FREM2: variants seen among roughly 807,000 people sequenced by gnomAD.
The protein encoded by FREM2 is FRAS1 related extracellular matrix 2.
A neutral mutation model predicts 219.9 loss-of-function variants in FREM2; 119 were observed. The observed-to-expected ratio is 0.54, with a 90% CI of 0.47 to 0.63. The LOEUF (loss-of-function observed/expected upper bound fraction) is 0.63, where lower values mean the gene tolerates loss of function less well. FREM2 is among the 30% of genes least tolerant of loss of function. The pLI is 0.00. For synonymous variants in FREM2, 1,562 were observed against 1,522.8 expected (o/e 1.03, Z -0.60); for missense variants, 4,030 against 3,993.6 (o/e 1.01, Z -0.25).
chr13:38,784,081 A>G (rs1468743671), intron 5 of FREM2, among the ~76,000 whole-genome samples: 3 of 152,244 alleles, frequency 2.0e-5, no homozygotes, highest in Non-Finnish European at 4.4e-5. Flanking sequence ...CCTGGGCAAC[A>G]GAGCGAAACT....
chr13:38,742,392 T>A (rs1227776908), intron 2 of FREM2, among the ~76,000 whole-genome samples: 1 of 152,146 alleles, frequency 6.6e-6, no homozygotes, highest in Non-Finnish European at 1.5e-5. Context: ...AGAAAACATA[T>A]GGAAATGTGA....
intron 6 of FREM2, 62 bp downstream of exon 6, chr13:38,784,870 C>G: frequency 6.4e-7 from 1 of 1,554,212 alleles, no homozygotes; most frequent in South Asian, 1.1e-5. Flanking sequence ...GAACAACTTT[C>G]TAGACAGAAA....
At chr13:38,784,886 G>A in intron 6 of FREM2, 78 bp downstream of exon 6, 4 of 1,477,226 alleles carry the variant, frequency 2.7e-6, no homozygotes, top group Non-Finnish European at 3.7e-6. Flanking sequence ...AGAAAAAATG[G>A]GAATCTAAAA....
rs1209097363 is a variant in FREM2, at chr13:38,851,817, A to G, written c.6874A>G (p.Thr2292Ala). 6.2e-7 allele frequency: 1 copy of G among 1,614,006 alleles called. No individual in the cohort carries two copies. The highest frequency in any genetic ancestry group is 8.5e-7 in the Non-Finnish European group (1 of 1,179,948). ...AAAGGTTTCCATTGTGAGAGTCCAC[A>G]CCAAGGATGGCTCGGCCACCTCTGG... The part of the protein sequence containing the change: ...TSKVSIVRVH[T>A]KDGSATSGED... The change falls in exon 11 of 24, where the codon ACC (threonine) becomes GCC (alanine). Residue 2292 changes from threonine to alanine, a missense_variant. Around this residue, in one of 2 missense-constraint regions of FREM2, gnomAD observed 3,102 missense variants for 2,950.7 expected, o/e 1.05. Transcript: ENST00000280481.
chr13:38,807,842 C>T (rs1285099123), intron 6 of FREM2, among the ~76,000 whole-genome samples: 1 of 151,838 alleles, frequency 6.6e-6, no homozygotes, highest in African/African-American at 2.4e-5. Flanking sequence ...GGTAAATGAC[C>T]GTTGGCTTCA....
intron 6 of FREM2, among the ~76,000 whole-genome samples, chr13:38,810,706 A>G (rs1390542931): frequency 2.6e-5 from 4 of 152,042 alleles, no homozygotes; most frequent in Non-Finnish European, 5.9e-5. Flanking sequence ...ATATATTATT[A>G]AATTTGGTTT....
intron 2 of FREM2, among the ~76,000 whole-genome samples, chr13:38,748,542 T>C (rs1006770912): frequency 1.3e-5 from 2 of 152,122 alleles, no homozygotes; most frequent in African/African-American, 2.4e-5. Context: ...TAGATCAGAG[T>C]CTTAACATGA....
intron 6 of FREM2, among the ~76,000 whole-genome samples, chr13:38,824,664 G>A (rs1291715902): frequency 1.3e-5 from 2 of 151,992 alleles, no homozygotes; most frequent in Admixed American, 1.3e-4. Flanking sequence ...TTGGTTCTGG[G>A]TGGGGCCACA....
In FREM2 at chr13:38,687,885, G is replaced by A. The variant is rs1220627248; in HGVS notation, c.541G>A (p.Val181Ile). The part of the protein sequence containing the change: ...EVEVVFTQLE[V>I]VTRNLPLVVE... The stretch of plus-strand genomic sequence containing the variant: ...GGAGGTGGTCTTCACCCAGCTGGAG[G>A]TTGTGACTCGGAACTTGCCTCTGGT... The change falls in exon 1 of 24, where the codon GTT becomes ATT. Residue 181 changes from valine to isoleucine, a missense_variant. Physicochemically the swap from Val to Ile is conservative, Grantham distance 29 (BLOSUM62 3). This residue lies in a region of FREM2 where 3,102 missense variants were observed against 2,950.7 expected (regional missense o/e 1.05). Transcript: ENST00000280481. 12 of 1,581,576 alleles carry A rather than the reference G, an allele frequency of 7.6e-6. No individual in the cohort carries two copies. The highest frequency in any genetic ancestry group is 2.3e-5 in the East Asian group (1 of 43,476).
chr13:38,796,823 AG>A (rs944926075), intron 6 of FREM2, among the ~76,000 whole-genome samples: 37 of 151,894 alleles, frequency 2.4e-4, no homozygotes, highest in Non-Finnish European at 5.0e-4. Flanking sequence ...TTCTATTTTT[AG>A]TTTTTTGAAA....
chr13:38,716,720 C>G (rs2138102115), intron 2 of FREM2, among the ~76,000 whole-genome samples: 1 of 152,274 alleles, frequency 6.6e-6, no homozygotes, highest in Admixed American at 6.5e-5. Flanking sequence ...GTTGGCCAGT[C>G]TAGTCTCGAA....
Position 38,688,139 on chromosome 13 carries a change from C to T in FREM2, c.795C>T (p.Arg265=). ...AAGCTTTCCAGGAACTAGGCGTGCG[C>T]TATCGCCACACAGCCGCCAGTCGCT... ...DCKAFQELGV[R]YRHTAASRSP... is the part of the protein sequence containing the mutation. The change falls in exon 1 of 24, where the codon CGC becomes CGT. Residue 265 remains arginine (R), a synonymous_variant. Transcript: ENST00000280481. 15 of 1,613,448 alleles carry T rather than the reference C, an allele frequency of 9.3e-6. No individual in the cohort carries two copies. Among genetic ancestry groups the T allele is most frequent in the Non-Finnish European group, 1.3e-5 (15 of 1,179,868 alleles).
At chr13:38,834,372 A>T (rs1453294589) in intron 6 of FREM2, among the ~76,000 whole-genome samples, 2 of 152,178 alleles carry the variant, frequency 1.3e-5, no homozygotes, top group African/African-American at 4.8e-5. Context: ...GCTGCATAGT[A>T]TTCCATGGTA....
chr13:38,806,687 C>CT (rs1390215589), intron 6 of FREM2, among the ~76,000 whole-genome samples: 4 of 151,720 alleles, frequency 2.6e-5, no homozygotes, highest in Non-Finnish European at 1.5e-5. Flanking sequence ...TTGATGGCTG[C>CT]TTATGGATCA....
intron 6 of FREM2, among the ~76,000 whole-genome samples, chr13:38,840,422 CT>C (rs66970622): frequency 0.25 from 33,171 of 131,986 alleles, 5,409 homozygotes; most frequent in African/African-American, 0.47. Flanking sequence ...GGGATTTCTC[CT>C]TTTTTTTTTT....
rs372166899 is a variant in FREM2 at position 38,689,473 on chromosome 13, G to A, written c.2129G>A (p.Arg710His). The A allele has an allele frequency of 8.7e-6, 14 of 1,613,926 alleles. No homozygotes were observed. The African/African-American group carries it at 1.1e-4, about 12-fold the overall frequency. The change falls in exon 1 of 24, where the codon CGT (arginine) becomes CAT (histidine). Residue 710 changes from arginine (R) to histidine (H), a missense_variant. Around this residue, in one of 2 missense-constraint regions of FREM2, gnomAD observed 3,102 missense variants for 2,950.7 expected, o/e 1.05. Transcript: ENST00000280481. ...PPELGSGCPL[R>H]MVVQESQLTP... ...GAGCTGGGCAGTGGCTGTCCCCTTC[G>A]TATGGTGGTACAGGAATCCCAGCTC...
intron 2 of FREM2, among the ~76,000 whole-genome samples, chr13:38,721,489 G>T (rs1871252746): frequency 6.6e-6 from 1 of 152,192 alleles, no homozygotes; most frequent in African/African-American, 2.4e-5. Flanking sequence ...GTCAGTGAGT[G>T]CATTTGTTTT....
chr13:38,837,212 C>T (rs1391812343), intron 6 of FREM2, among the ~76,000 whole-genome samples: 1 of 152,190 alleles, frequency 6.6e-6, no homozygotes, highest in African/African-American at 2.4e-5. Flanking sequence ...AGTAGTCATA[C>T]AAGAGCAGGT....
intron 12 of FREM2, among the ~76,000 whole-genome samples, chr13:38,856,939 T>C (rs1260011887): frequency 6.6e-6 from 1 of 152,136 alleles, no homozygotes; most frequent in Admixed American, 6.5e-5. Flanking sequence ...TTCACTTTAG[T>C]ATGAGTTCAA....
Sources: gnomAD v4.1 joint callset for allele counts (sites outside exome capture counted in the v4.1 genomes callset) on GRCh38, gnomAD v4.1.1 for gene constraint, gnomAD v4.1.1 regional missense constraint, MANE v1.5 for transcripts, NCBI Gene and HGNC (gene_info 2026-07-23, HGNC 2026-07-21) for gene names.